The following THSD7B variants were observed in gnomAD, a reference collection of about 807,000 sequenced individuals.
THSD7B encodes the protein thrombospondin type-1 domain-containing protein 7B.
THSD7B carries 138 observed loss-of-function variants against 213.6 expected under a neutral mutation model. That is an observed-to-expected ratio of 0.65 (90% CI 0.56 to 0.74). The LOEUF is 0.74. THSD7B is among the 30% of genes least tolerant of loss of function. The pLI is 0.00. For synonymous variants in THSD7B, 742 were observed against 687.0 expected, an observed-to-expected ratio of 1.08 and a Z score of -1.25; for missense variants, 1,931 against 1,991.5, an observed-to-expected ratio of 0.97 and a Z score of 0.58.
intron 1 of THSD7B, among the ~76,000 whole-genome samples, chr2:136,798,779 C>A (rs1238630487): frequency 7.9e-5 from 12 of 152,002 alleles, no homozygotes; most frequent in Non-Finnish European, 1.6e-4. Context: ...AACAAAAAAA[C>A]CATTTGTCTG....
intron 2 of THSD7B, among the ~76,000 whole-genome samples, chr2:136,933,109 T>TTCCTTCCTTCCTTCCC: frequency 1.8e-4 from 1 of 5,526 alleles, no homozygotes; most frequent in African/African-American, 3.7e-4. Flanking sequence ...TTGCCCGCCA[T>TTCCTTCCTTCCTTCCC]TCCTTCCTTC....
chr2:137,650,814 T>C (rs1405967179), intron 21 of THSD7B, among the ~76,000 whole-genome samples: 2 of 152,210 alleles, frequency 1.3e-5, no homozygotes, highest in South Asian at 2.1e-4. Flanking sequence ...TTTTATCAAA[T>C]GCTCTTCAGC....
chr2:137,092,868 C>T (rs1191561699), intron 3 of THSD7B, among the ~76,000 whole-genome samples: 2 of 152,178 alleles, frequency 1.3e-5, no homozygotes, highest in Non-Finnish European at 2.9e-5. Flanking sequence ...GAACTCCTGA[C>T]CTCAGGTGAT....
intron 14 of THSD7B, among the ~76,000 whole-genome samples, chr2:137,445,476 G>A (rs539575939): frequency 1.3e-5 from 2 of 152,000 alleles, no homozygotes; most frequent in African/African-American, 4.8e-5. Flanking sequence ...TGGAAATAGA[G>A]GAGATTATGT....
Position 137,056,422 on chromosome 2 carries a change from C to A in THSD7B, c.142C>A (p.Pro48Thr). 1 of 1,605,386 alleles carries A rather than the reference C, an allele frequency of 6.2e-7. No homozygotes were observed. The highest frequency in any genetic ancestry group is 8.5e-7 in the Non-Finnish European group (1 of 1,174,082). Residue 48 changes from proline (P) to threonine (T), a missense_variant and splice_region_variant, in exon 3 of 28, where the codon CCG (proline) becomes ACG (threonine). Physicochemically the swap from Pro to Thr is conservative, Grantham distance 38. Transcript: ENST00000409968. The part of the protein sequence containing the change: ...KDNQFIWKPG[P>T]WGRCTGDCGP... ...CATCCTTGTTTTTCTGCCTGTAGGT[C>A]CGTGGGGAAGGTGTACAGGAGACTG...
chr2:136,918,429 A>G (rs1684380681), intron 2 of THSD7B, among the ~76,000 whole-genome samples: 1 of 152,208 alleles, frequency 6.6e-6, no homozygotes, highest in South Asian at 2.1e-4. Context: ...CACCTTGCCA[A>G]ATATAGTTGC....
At chr2:136,872,851 G>C (rs1683457035) in intron 1 of THSD7B, among the ~76,000 whole-genome samples, 1 of 144,668 alleles carries the variant, frequency 6.9e-6, no homozygotes, top group Non-Finnish European at 1.5e-5. Flanking sequence ...CAGGCATGGT[G>C]GCAGGCACCT....
At chr2:137,512,381 CCTTTTTTT>C (rs1558822657) in intron 15 of THSD7B, among the ~76,000 whole-genome samples, 1 of 114,244 alleles carries the variant, frequency 8.8e-6, no homozygotes, top group East Asian at 2.9e-4. Flanking sequence ...ACATTTATTT[CCTTTTTTT>C]TTTTTTTTTT....
At chr2:136,787,724 G>A (rs180728498) in intron 1 of THSD7B, among the ~76,000 whole-genome samples, 1 of 152,076 alleles carries the variant, frequency 6.6e-6, no homozygotes, top group African/African-American at 2.4e-5. Flanking sequence ...GCTATCCCTT[G>A]TTCCAGGAGC....
chr2:137,247,298 A>G (rs1424397693), intron 10 of THSD7B, among the ~76,000 whole-genome samples: 1 of 152,204 alleles, frequency 6.6e-6, no homozygotes, highest in African/African-American at 2.4e-5. Flanking sequence ...TGTGAATACA[A>G]AGTATTAATG....
chr2:137,019,459 T>A (rs972329202), intron 2 of THSD7B, among the ~76,000 whole-genome samples: 63 of 152,368 alleles, frequency 4.1e-4, no homozygotes, highest in African/African-American at 1.4e-3. Flanking sequence ...CAAACCCTTA[T>A]AACCTGTCTT....
At chr2:137,229,147 C>CTTTT (rs1399999061) in intron 7 of THSD7B, among the ~76,000 whole-genome samples, 1 of 152,174 alleles carries the variant, frequency 6.6e-6, no homozygotes, top group Non-Finnish European at 1.5e-5. Flanking sequence ...CAACCCTCAC[C>CTTTT]ACCTTTCCCC....
At chr2:137,079,151 T>C (rs1336738479) in intron 3 of THSD7B, among the ~76,000 whole-genome samples, 2 of 151,878 alleles carry the variant, frequency 1.3e-5, no homozygotes, top group Admixed American at 6.6e-5. Flanking sequence ...AGAATCCATC[T>C]CAAAAAAATA....
At position 137,330,443 on chromosome 2, in the gene THSD7B, G is replaced by A. The variant is rs139256910; in HGVS notation, c.2500+54417G>A. 1.4e-3 allele frequency among the ~76,000 whole-genome samples: 218 copies of A among 152,324 alleles called. 1 individual carries two copies. The highest frequency in any genetic ancestry group is 3.9e-3 in the African/African-American group (164 of 41,558). On this transcript the variant is annotated intron_variant, in intron 12 of 27. Transcript: ENST00000409968. ...TCTCACTGACTTCAAGAATGAAGCC[G>A]TGGACCCTCATGGTGAGTGTTACAG...
intron 12 of THSD7B, among the ~76,000 whole-genome samples, chr2:137,366,610 T>C (rs1476171502): frequency 2.0e-5 from 3 of 151,574 alleles, no homozygotes; most frequent in East Asian, 1.9e-4. Flanking sequence ...CAAAAGATGC[T>C]ATTGACATAC....
At position 137,411,785 on chromosome 2, in the gene THSD7B, G is replaced by A; in HGVS notation, c.2872G>A (p.Glu958Lys). 1.2e-6 allele frequency: 2 copies of A among 1,613,968 alleles called. No individual in the cohort carries two copies. The highest frequency in any genetic ancestry group is 2.2e-5 in the South Asian group (2 of 91,082). ...RGLRVQADSK[E>K]CGEGLRFRAV... Reference sequence around the variant, plus strand: ...ACTGCGGGTACAAGCAGACAGCAAAGAATGTGGAGAAGGCCTGCGCTTTCG... The same window carrying A: ...ACTGCGGGTACAAGCAGACAGCAAAAAATGTGGAGAAGGCCTGCGCTTTCG... The change falls in exon 14 of 28, where the codon GAA (glutamate) becomes AAA (lysine). Residue 958 changes from glutamate to lysine, a missense_variant. Transcript: ENST00000409968.
chr2:137,344,835 T>C (rs565178517), intron 12 of THSD7B, among the ~76,000 whole-genome samples: 26 of 151,726 alleles, frequency 1.7e-4, no homozygotes, highest in African/African-American at 6.3e-4. Flanking sequence ...CCCTTGCATA[T>C]CCTCTGCATT....
chr2:136,786,480 A>C (rs1328337897), intron 1 of THSD7B, among the ~76,000 whole-genome samples: 1 of 152,052 alleles, frequency 6.6e-6, no homozygotes, highest in Non-Finnish European at 1.5e-5. Context: ...AGACCTGTTC[A>C]GTTTTCCTGT....
chr2:136,912,649 C>T (rs188871637), intron 2 of THSD7B, among the ~76,000 whole-genome samples: 8 of 152,206 alleles, frequency 5.3e-5, no homozygotes, highest in Admixed American at 1.3e-4. Flanking sequence ...ATTATGGGGG[C>T]CAGTTTTTCC....
Sources: gnomAD v4.1 joint callset for allele counts (sites outside exome capture counted in the v4.1 genomes callset) on GRCh38, gnomAD v4.1.1 for gene constraint, MANE v1.5 for transcripts, NCBI Gene and HGNC (gene_info 2026-07-23, HGNC 2026-07-21) for gene names.